The following MECOM variants were observed in gnomAD, a reference collection of about 807,000 sequenced individuals.
MECOM encodes the protein histone-lysine N-methyltransferase MECOM.
A neutral mutation model predicts 116.3 loss-of-function variants in MECOM; 13 were observed. The observed-to-expected ratio is 0.11, with a 90% CI of 0.07 to 0.18. The LOEUF (loss-of-function observed/expected upper bound fraction) is 0.18, where lower values mean the gene tolerates loss of function less well. Among genes scored for constraint, MECOM ranks in the 10% least tolerant of loss-of-function variants. The pLI is 1.00. For missense variants in MECOM, 1,299 were observed against 1,509.0 expected (o/e 0.86, Z 2.31); for synonymous variants, 528 against 535.2 (o/e 0.99, Z 0.19).
chr3:169,160,806 C>T (rs1222936862), intron 2 of MECOM, among the ~76,000 whole-genome samples: 1 of 151,858 alleles, frequency 6.6e-6, no homozygotes, highest in Admixed American at 6.6e-5. Flanking sequence ...AATACATACA[C>T]CTGCTATGTA....
intron 2 of MECOM, among the ~76,000 whole-genome samples, chr3:169,303,073 C>T (rs1029152992): frequency 2.6e-5 from 4 of 152,042 alleles, no homozygotes; most frequent in African/African-American, 9.7e-5. Flanking sequence ...ACAATGATCA[C>T]CCAAAAAGGT....
Position 169,421,706 on chromosome 3 carries a change from G to C in MECOM, c.38-40182C>G, listed in dbSNP as rs115427468. ...TTTTTTTAAAAAAAAAAAACAAAAC[G>C]ATTTCTTACTTCTTCATGTTTACAA... On this transcript the variant is annotated intron_variant, in intron 1 of 16. Transcript: ENST00000651503. Among the ~76,000 whole-genome samples the C allele has an allele frequency of 2.7e-3, 413 of 151,218 alleles. 4 individuals carry two copies. The highest frequency in any genetic ancestry group is 9.0e-3 in the African/African-American group (373 of 41,282).
chr3:169,472,645 A>G (rs1749695510), intron 1 of MECOM, among the ~76,000 whole-genome samples: 2 of 94,882 alleles, frequency 2.1e-5, no homozygotes, highest in African/African-American at 1.0e-4. Context: ...AAGGAAAGGA[A>G]AGGAAAAGAA....
At chr3:169,103,104 A>C (rs1468892461) in intron 10 of MECOM, among the ~76,000 whole-genome samples, 2 of 150,506 alleles carry the variant, frequency 1.3e-5, no homozygotes, top group Non-Finnish European at 3.0e-5. Context: ...GATGGCATTT[A>C]CTTTTAAAGT....
At chr3:169,484,093 A>T in intron 1 of MECOM, 3 of 862,192 alleles carry the variant, frequency 3.5e-6, no homozygotes, top group Non-Finnish European at 5.5e-6. Context: ...ATCTATTGTT[A>T]TTCTGTTATA....
At chr3:169,387,911 C>G (rs911891913) in intron 1 of MECOM, among the ~76,000 whole-genome samples, 2 of 152,064 alleles carry the variant, frequency 1.3e-5, no homozygotes, top group Non-Finnish European at 2.9e-5. Flanking sequence ...GACATTTCCC[C>G]CCATTATGTT....
intron 2 of MECOM, among the ~76,000 whole-genome samples, chr3:169,367,349 A>T (rs367879411): frequency 8.0e-4 from 120 of 150,418 alleles, no homozygotes; most frequent in African/African-American, 2.7e-3. Context: ...TTGGTTTTTA[A>T]TTTTTTTTTT....
chr3:169,346,117 A>G (rs1289377257), intron 2 of MECOM, among the ~76,000 whole-genome samples: 1 of 152,124 alleles, frequency 6.6e-6, no homozygotes, highest in Non-Finnish European at 1.5e-5. Flanking sequence ...CAAGACTGCC[A>G]TCACTCTGTG....
At position 169,477,134 on chromosome 3, in the gene MECOM, TATATATATATATATACAC is replaced by T. The variant is rs1560327101; in HGVS notation, c.38-95628_38-95611del. On this transcript the variant is annotated intron_variant, in intron 1 of 16. Transcript: ENST00000651503. ...ATATATATATATATATATATATATA[TATATATATATATATACAC>T]ACACACACAATTTCATTTGCAATAG... The T allele has an allele frequency of 5.0e-4, 46 of 92,446 alleles. 1 individual carries two copies. The highest frequency in any genetic ancestry group is 2.0e-3 in the African/African-American group (39 of 19,118). 5.7% of individuals were successfully genotyped at this position (92,446 alleles called of 1,614,324 possible).
At chr3:169,585,773 G>A (rs1765707100) in intron 1 of MECOM, among the ~76,000 whole-genome samples, 1 of 152,168 alleles carries the variant, frequency 6.6e-6, no homozygotes, top group Non-Finnish European at 1.5e-5. Context: ...CTGGTATATA[G>A]TCAACACTTA....
At position 169,567,646 on chromosome 3, in the gene MECOM, C is replaced by T. The variant is rs147262351; in HGVS notation, c.37+95690G>A. ...GTAAAATCAAGCCAGATGATGATGA[C>T]GCAGTGGCTCAAACTCCAGTCTGTA... On this transcript the variant is annotated intron_variant, in intron 1 of 16. Transcript: ENST00000651503. Among the ~76,000 whole-genome samples the T allele has an allele frequency of 8.6e-3, 1,312 of 152,236 alleles. 25 individuals carry two copies. The highest frequency in any genetic ancestry group is 0.03 in the African/African-American group (1,255 of 41,528).
At chr3:169,416,938 C>A (rs555075238) in intron 1 of MECOM, among the ~76,000 whole-genome samples, 2 of 152,254 alleles carry the variant, frequency 1.3e-5, no homozygotes, top group African/African-American at 2.4e-5. Context: ...CTTCCTTACA[C>A]CTTATACAAA....
At chr3:169,391,994 A>C (rs1734276459) in intron 1 of MECOM, among the ~76,000 whole-genome samples, 1 of 152,228 alleles carries the variant, frequency 6.6e-6, no homozygotes. Flanking sequence ...AGAGAGAATT[A>C]TAAATGTTTG....
At chr3:169,300,815 C>A (rs984248658) in intron 2 of MECOM, among the ~76,000 whole-genome samples, 3 of 152,298 alleles carry the variant, frequency 2.0e-5, no homozygotes, top group South Asian at 2.1e-4. Context: ...ACAGAGCTAA[C>A]CATTACCCCA....
chr3:169,087,414 T>C (rs919466883), intron 16 of MECOM, among the ~76,000 whole-genome samples: 15 of 151,804 alleles, frequency 9.9e-5, no homozygotes, highest in Non-Finnish European at 1.6e-4. Context: ...CTGGGCAACA[T>C]AGTGAAACCC....
intron 1 of MECOM, among the ~76,000 whole-genome samples, chr3:169,479,521 T>C (rs1229710036): frequency 1.3e-5 from 2 of 151,894 alleles, no homozygotes; most frequent in Non-Finnish European, 2.9e-5. Context: ...CTTCTAAAGA[T>C]TACGGCCTTC....
At chr3:169,161,153 G>A (rs1305641991) in intron 2 of MECOM, among the ~76,000 whole-genome samples, 1 of 152,180 alleles carries the variant, frequency 6.6e-6, no homozygotes, top group Non-Finnish European at 1.5e-5. Context: ...CCACCTTTAA[G>A]TAGCTTTAAA....
At chr3:169,319,507 G>C (rs1312295520) in intron 2 of MECOM, among the ~76,000 whole-genome samples, 2 of 151,912 alleles carry the variant, frequency 1.3e-5, no homozygotes, top group Non-Finnish European at 1.5e-5. Flanking sequence ...AACCACCATG[G>C]CATGTGTAAA....
intron 2 of MECOM, among the ~76,000 whole-genome samples, chr3:169,359,530 A>G (rs1005486948): frequency 6.6e-6 from 1 of 151,788 alleles, no homozygotes. Context: ...TTGGAGCTCT[A>G]TAATTTGAAT....
Sources: allele counts gnomAD v4.1 joint callset (sites outside exome capture counted in the v4.1 genomes callset), GRCh38; gene constraint gnomAD v4.1.1; transcripts MANE v1.5; gene names NCBI Gene and HGNC (gene_info 2026-07-23, HGNC 2026-07-21).